Variants in PLOD2 observed in about 807,000 individuals in gnomAD.
PLOD2 encodes the protein procollagen-lysine,2-oxoglutarate 5-dioxygenase 2.
Under a neutral mutation model 101.0 loss-of-function variants are expected in PLOD2, and 65 were observed. The ratio of observed to expected loss-of-function variants is 0.64; its 90% CI spans 0.53 to 0.79. PLOD2 has a LOEUF of 0.79. Ranked by LOEUF, PLOD2 falls within the 30% of genes least tolerant of loss-of-function variation. The probability of loss-of-function intolerance (pLI) is 0.00; values close to 1 mark genes in which losing one functional copy is unlikely to be tolerated. For synonymous variants in PLOD2, 314 were observed against 302.9 expected (o/e 1.04, Z -0.38); for missense variants, 909 against 914.6 (o/e 0.99, Z 0.08).
At chr3:146,094,876 T>C (rs1252191373) in intron 7 of PLOD2, among the ~76,000 whole-genome samples, 5 of 152,058 alleles carry the variant, frequency 3.3e-5, no homozygotes, top group Admixed American at 2.6e-4. Flanking sequence ...AACAGATATA[T>C]AGACCAATGG....
intron 5 of PLOD2, chr3:146,105,160 G>A (rs1021783938): frequency 6.6e-6 from 1 of 152,302 alleles, no homozygotes; most frequent in East Asian, 1.9e-4. Context: ...TACTTTCAAT[G>A]TGACAGAAGG....
chr3:146,085,349 ATTCTTT>A, intron 10 of PLOD2, 76 bp from the exon 11 acceptor site: 1 of 768,782 alleles, frequency 1.3e-6, no homozygotes, highest in Non-Finnish European at 2.3e-6. Flanking sequence ...TAATATATAT[ATTCTTT>A]TATGTAAAAT....
intron 7 of PLOD2, among the ~76,000 whole-genome samples, chr3:146,101,538 G>A (rs989134180): frequency 6.6e-6 from 1 of 152,114 alleles, no homozygotes; most frequent in Non-Finnish European, 1.5e-5. Context: ...AATAAGGGCT[G>A]AACAATGTCC....
Position 146,110,443 on chromosome 3 carries a change from T to A in PLOD2, c.344A>T (p.Asp115Val). The change falls in exon 4 of 20, where the codon GAT becomes GTT. Residue 115 changes from aspartate to valine, a missense_variant. Coordinates refer to ENST00000282903, the MANE Select transcript of PLOD2 (RefSeq NM_182943.3). ...TTCTGGACCACCAGCAAATATGACA[T>A]CAAAGCTGTTCAATGAGGAAAAAAT... Reference protein sequence around the residue: ...DLVVMFTECFDVIFAGGPEEV... With the variant: ...DLVVMFTECFVVIFAGGPEEV... The A allele has an allele frequency of 6.2e-7, 1 of 1,607,172 alleles. No homozygotes were observed. The highest frequency in any genetic ancestry group is 8.5e-7 in the Non-Finnish European group (1 of 1,177,412).
At chr3:146,156,801 G>A (rs2108150677) in intron 1 of PLOD2, among the ~76,000 whole-genome samples, 1 of 152,196 alleles carries the variant, frequency 6.6e-6, no homozygotes, top group Non-Finnish European at 1.5e-5. Flanking sequence ...ACAATTATGA[G>A]GTCAGGAAAG....
intron 6 of PLOD2, among the ~76,000 whole-genome samples, chr3:146,103,230 C>T (rs1342431718): frequency 6.6e-6 from 1 of 152,050 alleles, no homozygotes; most frequent in Non-Finnish European, 1.5e-5. Context: ...AAATGGTATC[C>T]ACGTCTGTCT....
chr3:146,155,018 T>C (rs2032232017), intron 1 of PLOD2, among the ~76,000 whole-genome samples: 1 of 152,248 alleles, frequency 6.6e-6, no homozygotes, highest in Non-Finnish European at 1.5e-5. Context: ...AAAAACTTAT[T>C]TGAAGATACT....
chr3:146,095,539 C>T (rs185248076), intron 7 of PLOD2, among the ~76,000 whole-genome samples: 35 of 152,096 alleles, frequency 2.3e-4, no homozygotes, highest in Non-Finnish European at 4.3e-4. Flanking sequence ...GAATGGCAAT[C>T]GCTAAAGTCT....
intron 3 of PLOD2, among the ~76,000 whole-genome samples, chr3:146,120,300 T>C (rs902835453): frequency 6.6e-6 from 1 of 152,202 alleles, no homozygotes; most frequent in African/African-American, 2.4e-5. Context: ...ATTTGTTTTT[T>C]TCTTGTAAAT....
chr3:146,085,978 T>C (rs1936752847), intron 10 of PLOD2: 1 of 152,158 alleles, frequency 6.6e-6, no homozygotes, highest in African/African-American at 2.4e-5. Flanking sequence ...GGTACAATCA[T>C]GAAAAATATT....
chr3:146,148,338 G>GCACGCACGCA (rs1553742438), intron 1 of PLOD2, among the ~76,000 whole-genome samples: 2 of 146,448 alleles, frequency 1.4e-5, no homozygotes, highest in African/African-American at 2.5e-5. Flanking sequence ...AGGCAGGCAC[G>GCACGCACGCA]CACACACACA....
intron 1 of PLOD2, among the ~76,000 whole-genome samples, chr3:146,129,768 G>A (rs775655026): frequency 2.6e-5 from 4 of 152,138 alleles, no homozygotes; most frequent in Admixed American, 1.3e-4. Context: ...AAAAATAGTC[G>A]TGAAGCTGTT....
At chr3:146,158,581 C>T (rs901706899) in intron 1 of PLOD2, among the ~76,000 whole-genome samples, 1 of 152,046 alleles carries the variant, frequency 6.6e-6, no homozygotes, top group Non-Finnish European at 1.5e-5. Flanking sequence ...ACTATAATGC[C>T]ATATTGCCTC....
At position 146,072,571 on chromosome 3, in the gene PLOD2, C is replaced by G. The variant is rs759657856; in HGVS notation, c.1838G>C (p.Gly613Ala). The change falls in exon 17 of 20, where the codon GGA (glycine) becomes GCA (alanine). Residue 613 changes from glycine (G) to alanine (A), a missense_variant. Coordinates refer to ENST00000282903, the MANE Select transcript of PLOD2 (RefSeq NM_182943.3). ...EMEHYGKWSGGKHHDSRISGG... is the reference protein window; with the variant it reads ...EMEHYGKWSGAKHHDSRISGG... ...GAAATTACAACTTACATGATGTTTT[C>G]CCCCAGACCATTTGCCGTAATGTTC... is the stretch of plus-strand genomic sequence containing the variant. 3.1e-6 allele frequency: 5 copies of G among 1,599,210 alleles called. No individual in the cohort carries two copies. In the African/African-American group the frequency reaches 6.7e-5, roughly 21 times the overall value.
At position 146,137,691 on chromosome 3, in the gene PLOD2, C is replaced by A. The variant is rs556606588; in HGVS notation, c.110-13462G>T. On this transcript the variant is annotated intron_variant, in intron 1 of 19. Coordinates refer to ENST00000282903, the MANE Select transcript of PLOD2 (RefSeq NM_182943.3). ...ATAAACAAGAGATTGTTGGGTCACACCCCAAGAGTTTCTGATTCAGTTTGT... is the reference window on the plus strand; with the variant it reads ...ATAAACAAGAGATTGTTGGGTCACAACCCAAGAGTTTCTGATTCAGTTTGT... Among the ~76,000 whole-genome samples the A allele has an allele frequency of 2.5e-4, 38 of 152,270 alleles. No homozygotes were observed. The South Asian group carries it at 7.3e-3, about 29-fold the overall frequency.
At chr3:146,144,348 A>G (rs975030645) in intron 1 of PLOD2, among the ~76,000 whole-genome samples, 10 of 152,104 alleles carry the variant, frequency 6.6e-5, no homozygotes, top group African/African-American at 2.2e-4. Flanking sequence ...AGAATCAGAC[A>G]CTATTTTCCC....
chr3:146,087,551 C>T (rs1351405109), intron 9 of PLOD2, among the ~76,000 whole-genome samples: 3 of 151,836 alleles, frequency 2.0e-5, no homozygotes, highest in Non-Finnish European at 4.4e-5. Flanking sequence ...GATTATCTGT[C>T]TCCATCATTA....
intron 15 of PLOD2, 26 bp from the exon 16 acceptor site, chr3:146,073,378 CA>C: frequency 1.2e-6 from 1 of 824,270 alleles, no homozygotes; most frequent in Middle Eastern, 2.6e-4. Context: ...CATATTAAAA[CA>C]AATATCTTTA....
intron 13 of PLOD2, 152 bp from the exon 14 acceptor site, chr3:146,078,076 C>G: frequency 1.5e-6 from 1 of 676,606 alleles, no homozygotes; most frequent in Non-Finnish European, 2.7e-6. Flanking sequence ...AAGCTTATAG[C>G]ACACACAAAG....
Sources: gnomAD v4.1 joint callset for allele counts (sites outside exome capture counted in the v4.1 genomes callset) on GRCh38, gnomAD v4.1.1 for gene constraint, MANE v1.5 for transcripts, NCBI Gene and HGNC (gene_info 2026-07-23, HGNC 2026-07-21) for gene names.